ZFYVE27: variants seen among roughly 807,000 people sequenced by gnomAD.
The protein encoded by ZFYVE27 is protrudin.
In ZFYVE27, 36 loss-of-function variants were observed where a neutral mutation model predicts 52.8. That is an observed-to-expected ratio of 0.68 (90% CI 0.52 to 0.90). ZFYVE27 has a LOEUF of 0.90. Ranked by LOEUF, ZFYVE27 falls within the 40% of genes least tolerant of loss-of-function variation. ZFYVE27 has a pLI of 0.00. For missense variants in ZFYVE27, 450 were observed against 527.2 expected, an observed-to-expected ratio of 0.85 and a Z score of 1.43; for synonymous variants, 223 against 215.6, an observed-to-expected ratio of 1.03 and a Z score of -0.30.
intron 3 of ZFYVE27, 147 bp downstream of exon 3, chr10:97,743,311 T>C: frequency 1.0e-6 from 1 of 982,414 alleles, no homozygotes. Flanking sequence ...AGAAACAGCC[T>C]CCAGAGGGAC....
At chr10:97,757,848 G>A (rs866508810) in intron 12 of ZFYVE27, 125 bp downstream of exon 12, 7 of 897,670 alleles carry the variant, frequency 7.8e-6, no homozygotes, top group Admixed American at 2.2e-5. Context: ...CTACGGGAAC[G>A]TTTCCTCCAT....
At chr10:97,754,576 A>C in intron 10 of ZFYVE27, 1 of 1,195,770 alleles carries the variant, frequency 8.4e-7, no homozygotes, top group Non-Finnish European at 1.1e-6. Context: ...TGGTCTTCCA[A>C]AGTGTTAGGA....
In ZFYVE27 at chr10:97,757,267, A is replaced by T. The variant is rs571116402; in HGVS notation, c.1045A>T (p.Asn349Tyr). The part of the protein sequence containing the change: ...RKRYPTNNFG[N>Y]CTGCSATFSV... ...GAGCTGCTGCCTCTGTTTCTCAGGGAACTGCACGGGCTGCTCGGCCACCTT... is the reference window on the plus strand; with the variant it reads ...GAGCTGCTGCCTCTGTTTCTCAGGGTACTGCACGGGCTGCTCGGCCACCTT... Residue 349 changes from asparagine to tyrosine, a missense_variant and splice_region_variant, in exon 11 of 13, where the codon AAC becomes TAC. Transcript: ENST00000684270. The T allele has an allele frequency of 1.5e-5, 24 of 1,614,084 alleles. No individual in the cohort carries two copies. Among genetic ancestry groups the T allele is most frequent in the Middle Eastern group, 1.6e-4 (1 of 6,062 alleles).
At chr10:97,740,455 G>A (rs958027209) in intron 2 of ZFYVE27, among the ~76,000 whole-genome samples, 3 of 152,230 alleles carry the variant, frequency 2.0e-5, no homozygotes, top group Admixed American at 1.3e-4. Flanking sequence ...GAGAGAGGCT[G>A]TGCCCCCGGC....
intron 2 of ZFYVE27, among the ~76,000 whole-genome samples, chr10:97,742,500 A>C (rs969324727): frequency 6.6e-6 from 1 of 152,086 alleles, no homozygotes; most frequent in Non-Finnish European, 1.5e-5. Flanking sequence ...GCTGCACCCT[A>C]CTTTCATCTT....
intron 2 of ZFYVE27, among the ~76,000 whole-genome samples, chr10:97,741,132 TAAA>T (rs983687536): frequency 1.3e-5 from 2 of 152,144 alleles, no homozygotes; most frequent in Non-Finnish European, 2.9e-5. Context: ...TAAATTTCAT[TAAA>T]AAGTAAAAGC....
chr10:97,758,002 C>T (rs1244075671), intron 12 of ZFYVE27: 3 of 418,272 alleles, frequency 7.2e-6, no homozygotes, highest in Non-Finnish European at 1.3e-5. Context: ...AACACCCCCG[C>T]AGCTCCCAGC....
rs61861671 is a variant in ZFYVE27 at position 97,746,028 on chromosome 10, C to T, written c.455+1113C>T. On this transcript the variant is annotated intron_variant, in intron 4 of 12. Coordinates refer to ENST00000684270, the MANE Select transcript of ZFYVE27 (RefSeq NM_001385875.1). ...TGAAATAGTTTTATATATATATACA[C>T]ATATATATATATATATATATATATT... is the stretch of plus-strand genomic sequence containing the variant. Among the ~76,000 whole-genome samples the T allele has an allele frequency of 2.3e-5, 3 of 129,322 alleles. No individual in the cohort carries two copies. In the Admixed American group the frequency reaches 2.5e-4, roughly 11 times the overall value. The allele number at this position is 129,322 out of a possible 152,430, so 84.8% of individuals were successfully genotyped here.
chr10:97,752,835 T>A (rs770335095), intron 8 of ZFYVE27, 22 bp from the exon 9 acceptor site: 2 of 1,611,410 alleles, frequency 1.2e-6, no homozygotes, highest in East Asian at 4.5e-5. Context: ...TTCTCTCCTC[T>A]TCCCCGCACC....
chr10:97,741,492 T>C (rs1269724772), intron 2 of ZFYVE27, among the ~76,000 whole-genome samples: 1 of 152,186 alleles, frequency 6.6e-6, no homozygotes, highest in East Asian at 1.9e-4. Context: ...GAAACCATCA[T>C]TCTCGGCAAA....
rs1004138480 is a variant in ZFYVE27, at chr10:97,759,438, C to G, written c.*138C>G. On this transcript the variant is annotated 3_prime_UTR_variant, in exon 13 of 13. Transcript: ENST00000684270. ...CTAGGTAGGCTTCCCCTTCCTTCCT[C>G]ACTCTCTCCAGCTGGATTCTGGAGC... is the stretch of plus-strand genomic sequence containing the variant. 1.8e-5 allele frequency: 15 copies of G among 849,854 alleles called. No homozygotes were observed. In the Admixed American group the frequency reaches 2.6e-4, roughly 15 times the overall value. The allele number at this position is 849,854 out of a possible 1,614,324, so 52.6% of individuals were successfully genotyped here. A position where few individuals can be genotyped will look rare whatever the true frequency, so the allele number is the denominator to read the frequency against.
rs1262137201 is a variant in ZFYVE27 at position 97,760,323 on chromosome 10, T to A, written c.*1023T>A. On this transcript the variant is annotated 3_prime_UTR_variant, in exon 13 of 13. Transcript: ENST00000684270. The stretch of plus-strand genomic sequence containing the variant: ...GTCTCAGTTATGGGATAAGGCCCCC[T>A]GGGGGTCTCCATTTCTTTCCAACAG... 6.6e-6 allele frequency: 1 copy of A among 152,186 alleles called. No individual in the cohort carries two copies. The highest frequency in any genetic ancestry group is 1.5e-5 in the Non-Finnish European group (1 of 68,062). The allele number at this position is 152,186 out of a possible 1,614,324, so 9.4% of individuals were successfully genotyped here. A position where few individuals can be genotyped will look rare whatever the true frequency, so the allele number is the denominator to read the frequency against.
rs777054643 is a variant in ZFYVE27, at chr10:97,748,412, T to A, written c.551+48T>A. 1.1e-5 allele frequency: 18 copies of A among 1,591,082 alleles called. No homozygotes were observed. In the Admixed American group the frequency reaches 2.8e-4, roughly 25 times the overall value. On this transcript the variant is annotated intron_variant, in intron 5 of 12. Coordinates refer to ENST00000684270, the MANE Select transcript of ZFYVE27 (RefSeq NM_001385875.1). Reference sequence around the variant, plus strand: ...CCACCACCCTATAGGAATTTGCAGCTTGAGCCCGAGCAAAGCCAGCTGCCT... The same window carrying A: ...CCACCACCCTATAGGAATTTGCAGCATGAGCCCGAGCAAAGCCAGCTGCCT...
chr10:97,746,335 A>G lies in ZFYVE27; in HGVS notation c.455+1420A>G, dbSNP rs371851784. On this transcript the variant is annotated intron_variant, in intron 4 of 12. Transcript: ENST00000684270. Reference sequence around the variant, plus strand: ...AGTGCTGGGATTGCAGGCATGAGCCACCGCACCCAGCCTGAAATAGTTTTA... The same window carrying G: ...AGTGCTGGGATTGCAGGCATGAGCCGCCGCACCCAGCCTGAAATAGTTTTA... 5.3e-4 allele frequency among the ~76,000 whole-genome samples: 81 copies of G among 152,352 alleles called. 2 individuals are homozygous for G. In the East Asian group the frequency reaches 0.013, roughly 24 times the overall value.
chr10:97,757,025 T>TGGAA (rs1162282032), intron 10 of ZFYVE27, among the ~76,000 whole-genome samples: 1 of 152,222 alleles, frequency 6.6e-6, no homozygotes, highest in Admixed American at 6.5e-5. Flanking sequence ...CACTCAGCTC[T>TGGAA]GGAAGGGTTC....
At chr10:97,757,558 T>A in intron 11 of ZFYVE27, 84 bp from the exon 12 acceptor site, 1 of 1,472,496 alleles carries the variant, frequency 6.8e-7, no homozygotes, top group Non-Finnish European at 9.5e-7. Context: ...TTGGGTGGGA[T>A]CAGCTGGTGG....
chr10:97,738,408 A>T, intron 1 of ZFYVE27, 69 bp from the exon 2 acceptor site: 1 of 1,563,376 alleles, frequency 6.4e-7, no homozygotes, highest in Non-Finnish European at 8.8e-7. Context: ...GCACCACCTG[A>T]ATCTGTAGGT....
chr10:97,749,508 C>CTGTATTT lies in ZFYVE27; in HGVS notation c.587_593dup (p.Leu198PhefsTer30). On this transcript the variant is annotated frameshift_variant, in exon 6 of 13. Transcript: ENST00000684270. LOFTEE classifies it high-confidence loss of function. ...GGCTCTTCTGGGCACAGTCTGCATG[C>CTGTATTT]TGTATTTGCTGCCACTCTGCTGGGT... The CTGTATTT allele has an allele frequency of 1.2e-6, 2 of 1,614,188 alleles. No individual in the cohort carries two copies. Among genetic ancestry groups the CTGTATTT allele is most frequent in the Non-Finnish European group, 1.7e-6 (2 of 1,180,032 alleles).
chr10:97,754,724 T>C, intron 10 of ZFYVE27: 1 of 1,289,392 alleles, frequency 7.8e-7, no homozygotes, highest in Non-Finnish European at 1.0e-6. Context: ...ATCCTTACCG[T>C]AGGTGTGACA....
Sources: allele counts gnomAD v4.1 joint callset (sites outside exome capture counted in the v4.1 genomes callset), GRCh38; gene constraint gnomAD v4.1.1; transcripts MANE v1.5; gene names NCBI Gene and HGNC (gene_info 2026-07-23, HGNC 2026-07-21).